Variants in PTPRE observed in about 807,000 individuals in gnomAD.
The protein encoded by PTPRE is protein tyrosine phosphatase receptor type E, also known as receptor-type tyrosine-protein phosphatase epsilon.
Under a neutral mutation model 102.0 loss-of-function variants are expected in PTPRE, and 51 were observed. The observed-to-expected ratio is 0.50, with a 90% CI of 0.40 to 0.63. PTPRE has a LOEUF of 0.63. PTPRE is among the 30% of genes least tolerant of loss of function. PTPRE has a pLI of 0.00. For missense variants in PTPRE, 752 were observed against 915.1 expected (o/e 0.82, Z 2.30); for synonymous variants, 345 against 348.2 (o/e 0.99, Z 0.10).
intron 2 of PTPRE, among the ~76,000 whole-genome samples, chr10:128,016,801 C>T (rs1269982260): frequency 6.6e-6 from 1 of 152,232 alleles, no homozygotes; most frequent in Non-Finnish European, 1.5e-5. Flanking sequence ...GAGGAACAGA[C>T]TCACCTTGTT....
chr10:127,971,670 C>T (rs375170106), intron 1 of PTPRE, among the ~76,000 whole-genome samples: 12 of 152,224 alleles, frequency 7.9e-5, no homozygotes, highest in African/African-American at 2.7e-4. Context: ...CTGGGGAAAG[C>T]CTCCAGCGTG....
intron 2 of PTPRE, chr10:127,998,308 G>T (rs1351540768): frequency 6.6e-6 from 1 of 152,200 alleles, no homozygotes; most frequent in Admixed American, 6.5e-5. Context: ...AGCAGCGACT[G>T]GGGAAGCTGA....
intron 1 of PTPRE, among the ~76,000 whole-genome samples, chr10:127,966,497 T>C (rs1045066820): frequency 2.0e-5 from 3 of 152,098 alleles, no homozygotes; most frequent in Non-Finnish European, 4.4e-5. Context: ...GAAGGGTGCA[T>C]TGTAGACATT....
chr10:128,072,373 C>A, intron 16 of PTPRE, 159 bp downstream of exon 16: 1 of 675,524 alleles, frequency 1.5e-6, no homozygotes, highest in Non-Finnish European at 2.4e-6. Context: ...AAAAAAGTGG[C>A]AAGGCACGAT....
intron 2 of PTPRE, among the ~76,000 whole-genome samples, chr10:128,002,031 C>T (rs956163565): frequency 1.8e-4 from 27 of 152,298 alleles, no homozygotes; most frequent in Admixed American, 7.8e-4. Context: ...TGGCTCTGCT[C>T]GTACTTGGTA....
At chr10:127,939,320 C>T (rs553121523) in intron 1 of PTPRE, among the ~76,000 whole-genome samples, 3 of 152,302 alleles carry the variant, frequency 2.0e-5, no homozygotes, top group East Asian at 1.9e-4. Flanking sequence ...TAAAACTTCC[C>T]GTTCTGCTGT....
chr10:128,006,135 G>A (rs986083688), intron 2 of PTPRE, among the ~76,000 whole-genome samples: 1 of 152,156 alleles, frequency 6.6e-6, no homozygotes, highest in Non-Finnish European at 1.5e-5. Flanking sequence ...GAATTTGGGG[G>A]ACACTGTCAA....
At chr10:127,970,519 C>G (rs998686230) in intron 1 of PTPRE, among the ~76,000 whole-genome samples, 4 of 151,974 alleles carry the variant, frequency 2.6e-5, no homozygotes, top group African/African-American at 4.8e-5. Context: ...CCATTGGTAA[C>G]TCATCTGTTG....
At chr10:127,935,847 G>A (rs1487077645) in intron 1 of PTPRE, 1 of 152,246 alleles carries the variant, frequency 6.6e-6, no homozygotes, top group Admixed American at 6.5e-5. Context: ...ATGCAAAGGG[G>A]TCAAACATTT....
intron 6 of PTPRE, among the ~76,000 whole-genome samples, chr10:128,051,037 C>T (rs1323899627): frequency 6.6e-6 from 1 of 152,236 alleles, no homozygotes; most frequent in African/African-American, 2.4e-5. Flanking sequence ...TGAAAGACAG[C>T]TTGAAGCACT....
In PTPRE at chr10:127,944,469, CGGAT is replaced by C. The variant is rs1229409414; in HGVS notation, c.-31+37203_-31+37206del. On this transcript the variant is annotated intron_variant, in intron 1 of 20. Transcript: ENST00000254667. The surrounding 1 kb of genome is among the most constrained non-coding windows in gnomAD (Gnocchi z 4.2). The stretch of plus-strand genomic sequence containing the variant: ...ACAGATGGATGGATACATGGACAGA[CGGAT>C]GGATGGATGGATGGATGGATGGATG... 1.5e-4 allele frequency among the ~76,000 whole-genome samples: 4 copies of C among 25,928 alleles called. No homozygotes were observed. Among genetic ancestry groups the C allele is most frequent in the Non-Finnish European group, 2.3e-4 (3 of 12,868 alleles). 17.0% of individuals were successfully genotyped at this position (25,928 alleles called of 152,430 possible).
chr10:127,957,706 C>T (rs1482335092), intron 1 of PTPRE, among the ~76,000 whole-genome samples: 1 of 152,170 alleles, frequency 6.6e-6, no homozygotes, highest in African/African-American at 2.4e-5. Flanking sequence ...TCTGTATAAA[C>T]TTTAGTATCA....
chr10:127,969,022 A>G (rs942489997), intron 1 of PTPRE, among the ~76,000 whole-genome samples: 7 of 152,228 alleles, frequency 4.6e-5, no homozygotes, highest in Non-Finnish European at 7.3e-5. Flanking sequence ...AGCCTAAATG[A>G]TTCAGTCAGG....
rs1022227694 is a variant in PTPRE, at chr10:128,082,924, T to C, written c.*18T>C. On this transcript the variant is annotated 3_prime_UTR_variant, in exon 21 of 21. Coordinates refer to ENST00000254667, the MANE Select transcript of PTPRE (RefSeq NM_006504.6). Reference sequence around the variant, plus strand: ...TCAAATGAAGATTCCTGCCTTAAAATATTTTTTAATTTAATGGTCAGTATA... The same window carrying C: ...TCAAATGAAGATTCCTGCCTTAAAACATTTTTTAATTTAATGGTCAGTATA... 1 of 1,531,166 alleles carries C rather than the reference T, an allele frequency of 6.5e-7. No individual in the cohort carries two copies. The highest frequency in any genetic ancestry group is 1.4e-5 in the African/African-American group (1 of 70,538). The allele number at this position is 1,531,166 out of a possible 1,614,324, so 94.8% of individuals were successfully genotyped here.
chr10:127,970,857 G>A (rs1282412735), intron 1 of PTPRE, among the ~76,000 whole-genome samples: 1 of 151,730 alleles, frequency 6.6e-6, no homozygotes, highest in African/African-American at 2.4e-5. Flanking sequence ...TACTGGGGAA[G>A]GGTCACTTCA....
At chr10:127,918,483 C>G (rs990335986) in intron 1 of PTPRE, among the ~76,000 whole-genome samples, 3 of 150,106 alleles carry the variant, frequency 2.0e-5, no homozygotes. Context: ...GGCATGAACC[C>G]GGGAGGCGGA....
rs749821759 is a variant in PTPRE at position 128,070,021 on chromosome 10, G to A, written c.1143+194G>A. Reference sequence around the variant, plus strand: ...ACTCCCTCGTCCTCATCTTTCCCTCGTATCCTCATGTGAGATGGGGCAATC... The same window carrying A: ...ACTCCCTCGTCCTCATCTTTCCCTCATATCCTCATGTGAGATGGGGCAATC... On this transcript the variant is annotated intron_variant, in intron 13 of 20. Coordinates refer to ENST00000254667, the MANE Select transcript of PTPRE (RefSeq NM_006504.6). This position sits in a 1 kb window ranked among gnomAD's most constrained non-coding sequence, Gnocchi z 4.8. 9 of 799,706 alleles carry A rather than the reference G, an allele frequency of 1.1e-5. No individual in the cohort carries two copies. Among genetic ancestry groups the A allele is most frequent in the African/African-American group, 3.5e-5 (2 of 57,700 alleles). The allele number at this position is 799,706 out of a possible 1,614,324, so 49.5% of individuals were successfully genotyped here. A position where few individuals can be genotyped will look rare whatever the true frequency, so the allele number is the denominator to read the frequency against.
chr10:128,072,148 C>T lies in PTPRE; in HGVS notation c.1398C>T (p.Asn466=), dbSNP rs1390795230. The T allele has an allele frequency of 6.2e-7, 1 of 1,613,834 alleles. No homozygotes were observed. The highest frequency in any genetic ancestry group is 1.1e-5 in the South Asian group (1 of 91,002). Residue 466 remains asparagine, a synonymous_variant, in exon 16 of 21, where the codon AAC becomes AAT. Transcript: ENST00000254667. ...GATAATGCTTTGCAGATGACTTCAA[C>T]CGAGTGATCCTTTCCATGAAAAGGG... The part of the protein sequence containing the change: ...RVIQIIPYDF[N]RVILSMKRGQ...
chr10:127,999,459 G>T (rs1853645912), intron 2 of PTPRE: 2 of 783,508 alleles, frequency 2.6e-6, no homozygotes, highest in Non-Finnish European at 3.1e-6. Flanking sequence ...CTCCCTGTGG[G>T]CTGTGAATCC....
Sources: gnomAD v4.1 joint callset for allele counts (sites outside exome capture counted in the v4.1 genomes callset) on GRCh38, gnomAD v4.1.1 for gene constraint, Gnocchi (gnomAD v3.1) non-coding constraint, MANE v1.5 for transcripts, NCBI Gene and HGNC (gene_info 2026-07-23, HGNC 2026-07-21) for gene names.